STYXL2: variants seen among roughly 807,000 people sequenced by gnomAD.
The protein encoded by STYXL2 is serine/threonine/tyrosine interacting like 2.
STYXL2 carries 44 observed loss-of-function variants against 52.4 expected under a neutral mutation model. The observed-to-expected ratio is 0.84, with a 90% CI of 0.66 to 1.08. The LOEUF (loss-of-function observed/expected upper bound fraction) is 1.08, where lower values mean the gene tolerates loss of function less well. Ranked by LOEUF, STYXL2 falls within the 50% of genes least tolerant of loss-of-function variation. The pLI is 0.00. For synonymous variants in STYXL2, 604 were observed against 586.9 expected, an observed-to-expected ratio of 1.03 and a Z score of -0.42; for missense variants, 1,604 against 1,471.7, an observed-to-expected ratio of 1.09 and a Z score of -1.47.
chr1:167,123,171 C>T (rs1189740530), intron 5 of STYXL2, among the ~76,000 whole-genome samples: 2 of 152,226 alleles, frequency 1.3e-5, no homozygotes, highest in African/African-American at 4.8e-5. Flanking sequence ...AGAATCTATA[C>T]AGCATCAGCC....
chr1:167,119,664 A>G (rs1269348662), intron 5 of STYXL2, among the ~76,000 whole-genome samples, 198 bp downstream of exon 5: 1 of 152,232 alleles, frequency 6.6e-6, no homozygotes, highest in Admixed American at 6.5e-5. Flanking sequence ...AGTGCCAACT[A>G]CTATTCTAGG....
intron 2 of STYXL2, among the ~76,000 whole-genome samples, chr1:167,109,047 T>A (rs1192694069): frequency 6.6e-6 from 1 of 152,156 alleles, no homozygotes; most frequent in African/African-American, 2.4e-5. Context: ...ATTTCTGACT[T>A]TATCTCACAG....
At chr1:167,110,047 A>G (rs1399733769) in intron 2 of STYXL2, among the ~76,000 whole-genome samples, 2 of 152,098 alleles carry the variant, frequency 1.3e-5, no homozygotes, top group Non-Finnish European at 2.9e-5. Context: ...ACATCACAGG[A>G]TTCTTTGTAG....
chr1:167,127,449 G>A lies in STYXL2; in HGVS notation c.2318G>A (p.Gly773Glu). The A allele has an allele frequency of 1.2e-6, 2 of 1,614,102 alleles. No individual in the cohort carries two copies. The highest frequency in any genetic ancestry group is 1.7e-6 in the Non-Finnish European group (2 of 1,180,004). Residue 773 changes from glycine (G) to glutamate (E), a missense_variant, in exon 6 of 6, where the codon GGA (glycine) becomes GAA (glutamate). By Grantham distance (98) the Gly-to-Glu change is moderately conservative. Coordinates refer to ENST00000361200, the MANE Select transcript of STYXL2 (RefSeq NM_001080426.3). Reference sequence around the variant, plus strand: ...GATGACCAAGTCTCCATGCTTAGTGGACACAGCAGCTCCTCCTTGGGTGGC... The same window carrying A: ...GATGACCAAGTCTCCATGCTTAGTGAACACAGCAGCTCCTCCTTGGGTGGC... ...LGDDQVSMLS[G>E]HSSSSLGGCL... is the part of the protein sequence containing the mutation.
At position 167,126,158 on chromosome 1, in the gene STYXL2, G is replaced by T; in HGVS notation, c.1027G>T (p.Asp343Tyr). 6.6e-7 allele frequency: 1 copy of T among 1,512,970 alleles called. No homozygotes were observed. 93.7% of individuals were successfully genotyped at this position (1,512,970 alleles called of 1,614,324 possible). A position where few individuals can be genotyped will look rare whatever the true frequency, so the allele number is the denominator to read the frequency against. Residue 343 changes from aspartate to tyrosine, a missense_variant, in exon 6 of 6, where the codon GAC becomes TAC. Physicochemically the swap from Asp to Tyr is radical, Grantham distance 160. Coordinates refer to ENST00000361200, the MANE Select transcript of STYXL2 (RefSeq NM_001080426.3). ...GGCCTCCAAGCCCCTCACCCTCATA[G>T]ACGAGGAGGAGGAGGAGAAACTGTA... ...TQASKPLTLIDEEEEEKLYEQ... is the reference protein window; with the variant it reads ...TQASKPLTLIYEEEEEKLYEQ...
In STYXL2 at chr1:167,097,317, A is replaced by C. The variant is rs550152935; in HGVS notation, c.110+2358A>C. Among the ~76,000 whole-genome samples, 9 of 152,352 alleles carry C rather than the reference A, an allele frequency of 5.9e-5. No homozygotes were observed. The South Asian group carries it at 1.4e-3, about 25-fold the overall frequency. ...CTTTTGGAAGTTCCTGGTTTCTTTG[A>C]AAATACGACCCTTTCAAAAACTCAA... On this transcript the variant is annotated intron_variant, in intron 2 of 5. Coordinates refer to ENST00000361200, the MANE Select transcript of STYXL2 (RefSeq NM_001080426.3).
At chr1:167,119,944 G>T (rs1474334872) in intron 5 of STYXL2, among the ~76,000 whole-genome samples, 1 of 152,196 alleles carries the variant, frequency 6.6e-6, no homozygotes, top group African/African-American at 2.4e-5. Context: ...AACTAGTAGT[G>T]CAAAGATCCA....
chr1:167,127,931 A>G lies in STYXL2; in HGVS notation c.2800A>G (p.Ser934Gly), dbSNP rs145965251. 8.7e-6 allele frequency: 14 copies of G among 1,614,178 alleles called. No individual in the cohort carries two copies. The highest frequency in any genetic ancestry group is 1.0e-5 in the Non-Finnish European group (12 of 1,180,012). ...GSRVGKEMDSSINKWLSGLRT... is the reference protein window; with the variant it reads ...GSRVGKEMDSGINKWLSGLRT... Reference sequence around the variant, plus strand: ...CAGAGTTGGCAAAGAGATGGATAGCAGTATTAATAAGTGGCTCAGTGGCCT... The same window carrying G: ...CAGAGTTGGCAAAGAGATGGATAGCGGTATTAATAAGTGGCTCAGTGGCCT... Residue 934 changes from serine (S) to glycine (G), a missense_variant, in exon 6 of 6, where the codon AGT becomes GGT. Ser to Gly is a moderately conservative substitution (Grantham distance 56, BLOSUM62 0). Transcript: ENST00000361200.
At position 167,126,498 on chromosome 1, in the gene STYXL2, AGCT is replaced by A; in HGVS notation, c.1369_1371del (p.Leu457del). 2 of 1,610,468 alleles carry A rather than the reference AGCT, an allele frequency of 1.2e-6. No homozygotes were observed. The highest frequency in any genetic ancestry group is 2.2e-5 in the East Asian group (1 of 44,722). ...ATCTGGGTCCTGAAGCAGCAGCTGG[AGCT>A]GAACCGCCCGGACCACGGCAGGAGG... On this transcript the variant is annotated inframe_deletion, in exon 6 of 6. Transcript: ENST00000361200.
intron 2 of STYXL2, among the ~76,000 whole-genome samples, chr1:167,095,621 C>T (rs1055370346): frequency 2.0e-5 from 3 of 152,110 alleles, no homozygotes; most frequent in Non-Finnish European, 4.4e-5. Context: ...AGACAAACCA[C>T]GAGACGTTAA....
intron 2 of STYXL2, among the ~76,000 whole-genome samples, chr1:167,102,707 C>CA: frequency 6.6e-6 from 1 of 152,318 alleles, no homozygotes; most frequent in South Asian, 2.1e-4. Context: ...TTCTAAGAAG[C>CA]AGAGTATCAC....
intron 2 of STYXL2, among the ~76,000 whole-genome samples, chr1:167,104,880 C>T (rs1172655459): frequency 6.6e-6 from 1 of 152,200 alleles, no homozygotes; most frequent in Non-Finnish European, 1.5e-5. Context: ...AAAGTCTGGG[C>T]TGAAGGACCC....
At chr1:167,114,809 A>T (rs143259330) in intron 3 of STYXL2, among the ~76,000 whole-genome samples, 205 of 152,008 alleles carry the variant, frequency 1.3e-3, no homozygotes, top group African/African-American at 4.7e-3. Flanking sequence ...TTGCTCCAAG[A>T]TATCTTGTCC....
rs756467892 is a variant in STYXL2 at position 167,126,425 on chromosome 1, C to T, written c.1294C>T (p.Arg432Cys). Residue 432 changes from arginine to cysteine, a missense_variant, in exon 6 of 6, where the codon CGC becomes TGC. Transcript: ENST00000361200. Reference protein sequence around the residue: ...DAGSSVGRRRRTLSESSAWES... With the variant: ...DAGSSVGRRRCTLSESSAWES... The stretch of plus-strand genomic sequence containing the variant: ...TGGCTCCTCGGTGGGGAGGCGGCGG[C>T]GCACCCTGAGCGAGAGCAGCGCCTG... 105 of 1,563,538 alleles carry T rather than the reference C, an allele frequency of 6.7e-5. No individual in the cohort carries two copies. Among genetic ancestry groups the T allele is most frequent in the Non-Finnish European group, 8.7e-5 (101 of 1,154,710 alleles).
intron 3 of STYXL2, 78 bp from the exon 4 acceptor site, chr1:167,117,250 A>G: frequency 7.6e-7 from 1 of 1,320,114 alleles, no homozygotes; most frequent in Non-Finnish European, 1.0e-6. Context: ...AAACTGGCCA[A>G]GAGCATGTTC....
chr1:167,109,449 A>G (rs1477176138), intron 2 of STYXL2, among the ~76,000 whole-genome samples: 1 of 152,176 alleles, frequency 6.6e-6, no homozygotes, highest in African/African-American at 2.4e-5. Flanking sequence ...ATGATGCAGC[A>G]GAGGCAACCA....
At position 167,128,340 on chromosome 1, in the gene STYXL2, A is replaced by G; in HGVS notation, c.3209A>G (p.Asp1070Gly). 6.2e-7 allele frequency: 1 copy of G among 1,614,120 alleles called. No individual in the cohort carries two copies. The highest frequency in any genetic ancestry group is 8.5e-7 in the Non-Finnish European group (1 of 1,179,984). Residue 1070 changes from aspartate (D) to glycine (G), a missense_variant, in exon 6 of 6, where the codon GAT becomes GGT. Asp to Gly is a moderately conservative substitution (Grantham distance 94). Coordinates refer to ENST00000361200, the MANE Select transcript of STYXL2 (RefSeq NM_001080426.3). ...PNWARSRDWE[D>G]VEESSKSDFS... The stretch of plus-strand genomic sequence containing the variant: ...TGGGCCAGGTCCAGGGACTGGGAAG[A>G]TGTGGAAGAGTCATCCAAGTCAGAC...
intron 5 of STYXL2, among the ~76,000 whole-genome samples, chr1:167,124,531 C>T (rs1368829729): frequency 6.6e-6 from 1 of 152,082 alleles, no homozygotes; most frequent in African/African-American, 2.4e-5. Context: ...GCATAGGAGG[C>T]ATATTTGTCA....
intron 2 of STYXL2, 24 bp downstream of exon 2, chr1:167,094,983 C>A: frequency 1.9e-6 from 3 of 1,553,114 alleles, no homozygotes; most frequent in Non-Finnish European, 2.6e-6. Flanking sequence ...TATCTCCCAC[C>A]CTCACAGCCC....
Sources: allele counts gnomAD v4.1 joint callset (sites outside exome capture counted in the v4.1 genomes callset), GRCh38; gene constraint gnomAD v4.1.1; transcripts MANE v1.5; gene names NCBI Gene and HGNC (gene_info 2026-07-23, HGNC 2026-07-21).